Variants in GABRR1 observed in about 807,000 individuals in gnomAD.
GABRR1 encodes gamma-aminobutyric acid type A receptor subunit rho1.
GABRR1 carries 59 observed loss-of-function variants against 55.5 expected under a neutral mutation model. The observed-to-expected ratio is 1.06, with a 90% CI of 0.86 to 1.32. GABRR1 has a LOEUF of 1.32. Ranked by LOEUF, GABRR1 falls within the 40% of genes most tolerant of loss-of-function variation. The pLI is 0.00. For missense variants in GABRR1, 602 were observed against 619.1 expected (o/e 0.97, Z 0.29); for synonymous variants, 213 against 226.0 (o/e 0.94, Z 0.51).
intron 8 of GABRR1, among the ~76,000 whole-genome samples, chr6:89,180,772 T>C (rs1389980934): frequency 6.6e-6 from 1 of 152,230 alleles, no homozygotes; most frequent in African/African-American, 2.4e-5. Flanking sequence ...CTAGACATTT[T>C]GGCATTAAAA....
intron 6 of GABRR1, among the ~76,000 whole-genome samples, chr6:89,186,546 T>C (rs556389521): frequency 2.0e-5 from 3 of 152,324 alleles, no homozygotes; most frequent in Non-Finnish European, 4.4e-5. Flanking sequence ...TTCCTTGCAA[T>C]AAATCTCTAC....
At chr6:89,201,042 A>G in intron 3 of GABRR1, 117 bp downstream of exon 3, 1 of 731,026 alleles carries the variant, frequency 1.4e-6, no homozygotes, top group Admixed American at 2.2e-5. Flanking sequence ...TCCACCAAGC[A>G]CAACTGAGGC....
intron 1 of GABRR1, among the ~76,000 whole-genome samples, chr6:89,228,012 A>G (rs1773225729): frequency 8.9e-6 from 1 of 112,272 alleles, no homozygotes; most frequent in Non-Finnish European, 1.9e-5. Flanking sequence ...TGTGTTGAGG[A>G]ATTTATCCAT....
chr6:89,214,351 T>C (rs1772924016), intron 1 of GABRR1, among the ~76,000 whole-genome samples: 1 of 150,052 alleles, frequency 6.7e-6, no homozygotes, highest in South Asian at 2.1e-4. Flanking sequence ...CAGTGAATTT[T>C]TTGCATTTGA....
intron 1 of GABRR1, among the ~76,000 whole-genome samples, chr6:89,206,559 G>T (rs946504946): frequency 1.3e-5 from 2 of 151,600 alleles, no homozygotes; most frequent in Non-Finnish European, 2.9e-5. Context: ...CTATTGTGGT[G>T]ATAGGCCTTC....
intron 8 of GABRR1, 49 bp from the exon 9 acceptor site, chr6:89,180,537 C>T: frequency 6.3e-7 from 1 of 1,596,090 alleles, no homozygotes; most frequent in Non-Finnish European, 8.5e-7. Flanking sequence ...TTTCACCAAA[C>T]ACAGGATGGT....
Position 89,178,997 on chromosome 6 carries a change from C to T in GABRR1, c.1213G>A (p.Glu405Lys). The T allele has an allele frequency of 6.2e-7, 1 of 1,614,176 alleles. No individual in the cohort carries two copies. The highest frequency in any genetic ancestry group is 8.5e-7 in the Non-Finnish European group (1 of 1,180,024). The change falls in exon 10 of 10, where the codon GAG becomes AAG. Residue 405 changes from glutamate to lysine, a missense_variant. Physicochemically the swap from Glu to Lys is moderately conservative, Grantham distance 56. Coordinates refer to ENST00000454853, the MANE Select transcript of GABRR1 (RefSeq NM_002042.5). ...AMLDGNYSDG[E>K]VNDLDNYMPE... Reference sequence around the variant, plus strand: ...ATGTAGTTGTCCAGGTCATTCACCTCCCCATCACTGTAGTTGCCGTCCAGC... The same window carrying T: ...ATGTAGTTGTCCAGGTCATTCACCTTCCCATCACTGTAGTTGCCGTCCAGC...
chr6:89,195,286 C>T (rs1021584857), intron 5 of GABRR1, among the ~76,000 whole-genome samples: 1 of 151,924 alleles, frequency 6.6e-6, no homozygotes, highest in African/African-American at 2.4e-5. Context: ...CACGGTGAAA[C>T]CTCATTTCTA....
At chr6:89,193,103 T>C (rs1477231233) in intron 5 of GABRR1, among the ~76,000 whole-genome samples, 1 of 152,176 alleles carries the variant, frequency 6.6e-6, no homozygotes, top group Non-Finnish European at 1.5e-5. Context: ...GTTCTGTGCC[T>C]GTCTCCTCCA....
At position 89,178,943 on chromosome 6, in the gene GABRR1, T is replaced by C. The variant is rs1196309553; in HGVS notation, c.1267A>G (p.Met423Val). 1.2e-6 allele frequency: 2 copies of C among 1,614,092 alleles called. No individual in the cohort carries two copies. The highest frequency in any genetic ancestry group is 1.1e-5 in the South Asian group (1 of 91,082). Residue 423 changes from methionine (M) to valine (V), a missense_variant, in exon 10 of 10, where the codon ATG (methionine) becomes GTG (valine). Transcript: ENST00000454853. ...GAGGCCAGGGTCAGCTGCACCATCA[T>C]CCTGTCGGGCTTCTCTCCATTCTCT... Reference protein sequence around the residue: ...MPENGEKPDRMMVQLTLASER... With the variant: ...MPENGEKPDRVMVQLTLASER...
chr6:89,190,425 C>CT (rs1333422326), intron 5 of GABRR1, among the ~76,000 whole-genome samples, 178 bp from the exon 6 acceptor site: 1 of 152,174 alleles, frequency 6.6e-6, no homozygotes, highest in East Asian at 1.9e-4. Context: ...CTGGAGTACT[C>CT]TTAGGCATTT....
At position 89,182,046 on chromosome 6, in the gene GABRR1, G is replaced by A. The variant is rs781685308; in HGVS notation, c.808C>T (p.Arg270Cys). 18 of 1,613,980 alleles carry A rather than the reference G, an allele frequency of 1.1e-5. No individual in the cohort carries two copies. Among genetic ancestry groups the A allele is most frequent in the South Asian group, 3.3e-5 (3 of 91,048 alleles). The change falls in exon 8 of 10, where the codon CGT (arginine) becomes TGT (cysteine). Residue 270 changes from arginine (R) to cysteine (C), a missense_variant. Arg to Cys is a radical substitution (Grantham distance 180, BLOSUM62 -3). This residue lies in a region of GABRR1 where 435 missense variants were observed against 424.2 expected (regional missense o/e 1.03). Coordinates refer to ENST00000454853, the MANE Select transcript of GABRR1 (RefSeq NM_002042.5). ...AFYSSTGWYN[R>C]LYINFTLRRH... ...CGCAACGTGAAATTAATGTAGAGAC[G>A]GTTGTACCAGCCTGGGGGACACAGG... is the stretch of plus-strand genomic sequence containing the variant.
At position 89,201,214 on chromosome 6, in the gene GABRR1, T is replaced by G; in HGVS notation, c.225A>C (p.Ser75=). ...PDITKSPLTK[S]EQLLRIDDHD... is the part of the protein sequence containing the mutation. ...GGTCATCTATCCTCAGAAGCTGTTCTGACTTTGTCAGAGGCGATTTGGTGA... is the reference window on the plus strand; with the variant it reads ...GGTCATCTATCCTCAGAAGCTGTTCGGACTTTGTCAGAGGCGATTTGGTGA... Residue 75 remains serine, a synonymous_variant, in exon 3 of 10, where the codon TCA becomes TCC. Coordinates refer to ENST00000454853, the MANE Select transcript of GABRR1 (RefSeq NM_002042.5). 2.5e-6 allele frequency: 4 copies of G among 1,614,216 alleles called. No homozygotes were observed. The highest frequency in any genetic ancestry group is 3.4e-6 in the Non-Finnish European group (4 of 1,180,042).
At chr6:89,195,482 A>C (rs1772234766) in intron 5 of GABRR1, among the ~76,000 whole-genome samples, 1 of 152,116 alleles carries the variant, frequency 6.6e-6, no homozygotes, top group Non-Finnish European at 1.5e-5. Flanking sequence ...AAAAGCTCCA[A>C]TTTGTCTGGC....
At chr6:89,180,865 A>G (rs1046467187) in intron 8 of GABRR1, among the ~76,000 whole-genome samples, 3 of 152,204 alleles carry the variant, frequency 2.0e-5, no homozygotes, top group African/African-American at 4.8e-5. Flanking sequence ...CTGCTCCATC[A>G]AGGGGAAAAA....
intron 8 of GABRR1, among the ~76,000 whole-genome samples, chr6:89,181,109 C>T (rs1003180388): frequency 6.6e-6 from 1 of 152,220 alleles, no homozygotes; most frequent in Non-Finnish European, 1.5e-5. Context: ...CTATTTAGCA[C>T]AGTAACTGTT....
chr6:89,178,683 TAACCA>T lies in GABRR1; in HGVS notation c.*82_*86del. On this transcript the variant is annotated 3_prime_UTR_variant, in exon 10 of 10. Transcript: ENST00000454853. ...ATGGGTGGGTCCTGGGATTTTTTTT[TAACCA>T]TATCCTTAAATACTTTTTCATTATA... 1 of 1,228,428 alleles carries T rather than the reference TAACCA, an allele frequency of 8.1e-7. No homozygotes were observed. The highest frequency in any genetic ancestry group is 2.2e-5 in the Admixed American group (1 of 46,468). 76.1% of individuals were successfully genotyped at this position (1,228,428 alleles called of 1,614,324 possible). A position where few individuals can be genotyped will look rare whatever the true frequency, so the allele number is the denominator to read the frequency against.
intron 6 of GABRR1, among the ~76,000 whole-genome samples, chr6:89,189,103 C>T (rs1002108690): frequency 6.6e-5 from 10 of 152,018 alleles, no homozygotes; most frequent in African/African-American, 2.2e-4. Flanking sequence ...GACCCACATT[C>T]GCTTAGCCCT....
At chr6:89,186,841 T>C (rs1771916704) in intron 6 of GABRR1, among the ~76,000 whole-genome samples, 1 of 152,196 alleles carries the variant, frequency 6.6e-6, no homozygotes, top group East Asian at 1.9e-4. Context: ...TGGGTTTTAT[T>C]ACACCCTTTC....
Sources: gnomAD v4.1 joint callset for allele counts (sites outside exome capture counted in the v4.1 genomes callset) on GRCh38, gnomAD v4.1.1 for gene constraint, gnomAD v4.1.1 regional missense constraint, MANE v1.5 for transcripts, NCBI Gene and HGNC (gene_info 2026-07-23, HGNC 2026-07-21) for gene names.